The following VPS35L variants were observed in gnomAD, a reference collection of about 807,000 sequenced individuals.
The protein encoded by VPS35L is VPS35 endosomal protein-sorting factor-like.
VPS35L carries 83 observed loss-of-function variants against 133.0 expected under a neutral mutation model. The observed-to-expected ratio is 0.62, with a 90% CI of 0.52 to 0.75. The LOEUF is 0.75. Among genes scored for constraint, VPS35L ranks in the 30% least tolerant of loss-of-function variants. VPS35L has a pLI of 0.00. For missense variants in VPS35L, 1,083 were observed against 1,206.8 expected, an observed-to-expected ratio of 0.90 and a Z score of 1.52; for synonymous variants, 423 against 449.9, an observed-to-expected ratio of 0.94 and a Z score of 0.76.
chr16:19,581,908 C>T, intron 7 of VPS35L: 1 of 509,816 alleles, frequency 2.0e-6, no homozygotes, highest in Non-Finnish European at 3.5e-6. Flanking sequence ...CCCTAGGTTA[C>T]AGAACTGATG....
rs542127632 is a variant in VPS35L, at chr16:19,584,198, T to G, written c.639+2545T>G. Among the ~76,000 whole-genome samples the G allele has an allele frequency of 2.6e-4, 40 of 152,364 alleles. 2 individuals are homozygous for G. The South Asian group carries it at 6.6e-3, about 25-fold the overall frequency. ...TGGTATTTCTTTGATATACTGATTT[T>G]CTTTTCTTTAGATGATAACCTAGTT... On this transcript the variant is annotated intron_variant, in intron 7 of 30. Coordinates refer to ENST00000417362, the MANE Select transcript of VPS35L (RefSeq NM_020314.7).
At chr16:19,679,488 T>A (rs1276918653) in intron 27 of VPS35L, among the ~76,000 whole-genome samples, 2 of 140,712 alleles carry the variant, frequency 1.4e-5, no homozygotes, top group African/African-American at 5.4e-5. Flanking sequence ...TATTTATTTA[T>A]TTATTTATTT....
intron 26 of VPS35L, among the ~76,000 whole-genome samples, chr16:19,652,909 T>C (rs1340737911): frequency 2.0e-5 from 3 of 152,190 alleles, no homozygotes; most frequent in Non-Finnish European, 2.9e-5. Context: ...GCAAGGATGC[T>C]CAGGATCATT....
intron 29 of VPS35L, among the ~76,000 whole-genome samples, chr16:19,696,227 C>T (rs1209630670): frequency 6.6e-6 from 1 of 152,156 alleles, no homozygotes; most frequent in Non-Finnish European, 1.5e-5. Context: ...GCTCAACAGC[C>T]ATACTGGAGT....
At chr16:19,669,329 T>A in intron 27 of VPS35L, 30 bp downstream of exon 27, 1 of 1,583,384 alleles carries the variant, frequency 6.3e-7, no homozygotes, top group Non-Finnish European at 8.6e-7. Flanking sequence ...CCGCAGGACA[T>A]GTCTTCCTTT....
At chr16:19,609,685 C>G (rs929880552) in intron 11 of VPS35L, among the ~76,000 whole-genome samples, 42 of 152,132 alleles carry the variant, frequency 2.8e-4, no homozygotes, top group African/African-American at 8.7e-4. Flanking sequence ...ATTCATGGTG[C>G]TCCACAGATA....
intron 21 of VPS35L, among the ~76,000 whole-genome samples, 186 bp downstream of exon 21, chr16:19,640,286 A>G (rs1301597369): frequency 6.6e-6 from 1 of 152,210 alleles, no homozygotes; most frequent in Non-Finnish European, 1.5e-5. Context: ...GTGTTTAAGA[A>G]GACAGAGTAG....
intron 14 of VPS35L, among the ~76,000 whole-genome samples, chr16:19,619,822 T>C (rs185337983): frequency 1.4e-3 from 216 of 152,276 alleles, no homozygotes; most frequent in African/African-American, 4.8e-3. Flanking sequence ...TGCAGAAGAA[T>C]TGATGTCGGT....
intron 26 of VPS35L, among the ~76,000 whole-genome samples, chr16:19,655,321 C>T (rs970407915): frequency 6.6e-6 from 1 of 152,174 alleles, no homozygotes; most frequent in Non-Finnish European, 1.5e-5. Flanking sequence ...CTCCTGAAAG[C>T]CACAGGCAGC....
chr16:19,616,090 GT>G (rs1454307689), intron 12 of VPS35L, 23 bp from the exon 13 acceptor site: 1 of 1,600,408 alleles, frequency 6.2e-7, no homozygotes, highest in Non-Finnish European at 8.6e-7. Context: ...TTTGCAACCA[GT>G]TTTTCCATTT....
In VPS35L at chr16:19,568,407, C is replaced by T. The variant is rs1472275205; in HGVS notation, c.118-1017C>T. 2.0e-5 allele frequency among the ~76,000 whole-genome samples: 3 copies of T among 147,366 alleles called. No individual in the cohort carries two copies. In the East Asian group the frequency reaches 6.1e-4, roughly 30 times the overall value. On this transcript the variant is annotated intron_variant, in intron 2 of 30. Coordinates refer to ENST00000417362, the MANE Select transcript of VPS35L (RefSeq NM_020314.7). ...CTCTGCCTCCCAAAACCCCATTTTTCATGTTTTTTTTTTTTTGAGGCATCG... is the reference window on the plus strand; with the variant it reads ...CTCTGCCTCCCAAAACCCCATTTTTTATGTTTTTTTTTTTTTGAGGCATCG...
chr16:19,555,905 G>A (rs1159290603), intron 1 of VPS35L, among the ~76,000 whole-genome samples, 159 bp downstream of exon 1: 1 of 152,178 alleles, frequency 6.6e-6, no homozygotes, highest in Non-Finnish European at 1.5e-5. Context: ...CCGCTACCGC[G>A]GTCCAGCGGA....
intron 22 of VPS35L, among the ~76,000 whole-genome samples, 160 bp downstream of exon 22, chr16:19,642,636 A>G (rs767461050): frequency 1.2e-4 from 19 of 152,180 alleles, no homozygotes; most frequent in Non-Finnish European, 2.1e-4. Flanking sequence ...CCAGGAGAGG[A>G]AGGAGGCTGA....
intron 4 of VPS35L, among the ~76,000 whole-genome samples, chr16:19,573,616 C>T (rs1261503701): frequency 1.3e-5 from 2 of 151,942 alleles, no homozygotes; most frequent in African/African-American, 2.4e-5. Flanking sequence ...GTCAGGAGTT[C>T]GAGACCAGCC....
At chr16:19,592,322 C>T (rs1455027723) in intron 8 of VPS35L, among the ~76,000 whole-genome samples, 1 of 151,746 alleles carries the variant, frequency 6.6e-6, no homozygotes, top group Non-Finnish European at 1.5e-5. Flanking sequence ...TCAAGTGATC[C>T]TCCTGCCTTA....
chr16:19,573,804 C>A (rs1971454440), intron 4 of VPS35L, among the ~76,000 whole-genome samples: 1 of 151,762 alleles, frequency 6.6e-6, no homozygotes, highest in Non-Finnish European at 1.5e-5. Flanking sequence ...CAGAGTGAGA[C>A]CCTATCTCAA....
At chr16:19,641,072 T>A (rs769444596) in intron 21 of VPS35L, among the ~76,000 whole-genome samples, 31 of 152,104 alleles carry the variant, frequency 2.0e-4, no homozygotes, top group Non-Finnish European at 2.8e-4. Context: ...ATTATTTTTT[T>A]AATTTATTTT....
intron 9 of VPS35L, among the ~76,000 whole-genome samples, chr16:19,604,125 G>A (rs1056564856): frequency 7.4e-6 from 1 of 135,406 alleles, no homozygotes; most frequent in African/African-American, 2.7e-5. Flanking sequence ...ACCAAAATAG[G>A]TTTTTTTTTT....
In VPS35L at chr16:19,557,406, T is replaced by G. The variant is rs2151494613; in HGVS notation, c.17+1660T>G. ...CTCTAAATATTTTGTTGTTGTTGTTTTTGTTGAGACGGAGTCTCGCCCAGG... is the reference window on the plus strand; with the variant it reads ...CTCTAAATATTTTGTTGTTGTTGTTGTTGTTGAGACGGAGTCTCGCCCAGG... On this transcript the variant is annotated intron_variant, in intron 1 of 30. Transcript: ENST00000417362. Among the ~76,000 whole-genome samples the G allele has an allele frequency of 1.3e-5, 2 of 152,310 alleles. 1 individual carries two copies. Among genetic ancestry groups the G allele is most frequent in the South Asian group, 4.1e-4 (2 of 4,832 alleles).
Sources: allele counts gnomAD v4.1 joint callset (sites outside exome capture counted in the v4.1 genomes callset), GRCh38; gene constraint gnomAD v4.1.1; transcripts MANE v1.5; gene names NCBI Gene and HGNC (gene_info 2026-07-23, HGNC 2026-07-21).